Variants in CLASP1 observed in about 807,000 individuals in gnomAD.
The protein encoded by CLASP1 is cytoplasmic linker associated protein 1, also known as CLIP-associating protein 1.
CLASP1 carries 38 observed loss-of-function variants against 192.3 expected under a neutral mutation model. The observed-to-expected ratio is 0.20, with a 90% confidence interval of 0.15 to 0.26. CLASP1 has a LOEUF of 0.26. CLASP1 is among the 10% of genes least tolerant of loss of function. The pLI is 1.00. For synonymous variants in CLASP1, 691 were observed against 712.8 expected, an observed-to-expected ratio of 0.97 and a Z score of 0.49; for missense variants, 1,433 against 1,932.5, an observed-to-expected ratio of 0.74 and a Z score of 4.85.
intron 1 of CLASP1, among the ~76,000 whole-genome samples, chr2:121,643,002 C>A (rs548380825): frequency 6.6e-6 from 1 of 152,114 alleles, no homozygotes; most frequent in African/African-American, 2.4e-5. Flanking sequence ...TGCAGTAAGA[C>A]TATAAATATA....
chr2:121,459,239 GTTGAAC>G (rs921271733), intron 12 of CLASP1, among the ~76,000 whole-genome samples: 1 of 151,620 alleles, frequency 6.6e-6, no homozygotes, highest in African/African-American at 2.4e-5. Context: ...CCTTGCCCAC[GTTGAAC>G]TTGAACTCCT....
chr2:121,534,307 A>C (rs990130602), intron 2 of CLASP1, among the ~76,000 whole-genome samples: 1 of 152,168 alleles, frequency 6.6e-6, no homozygotes, highest in Non-Finnish European at 1.5e-5. Flanking sequence ...AGACTTTAGG[A>C]GGAGAGTGAG....
intron 8 of CLASP1, among the ~76,000 whole-genome samples, chr2:121,485,416 T>G (rs1308330634): frequency 1.3e-5 from 2 of 152,198 alleles, no homozygotes; most frequent in Non-Finnish European, 2.9e-5. Flanking sequence ...CTGGCCTAAC[T>G]GCAGATAACT....
In CLASP1 at chr2:121,633,007, C is replaced by CATATATATATATAT. The variant is rs71398038; in HGVS notation, c.-286+16351_-286+16364dup. Among the ~76,000 whole-genome samples the CATATATATATATAT allele has an allele frequency of 1.5e-3, 179 of 115,540 alleles. 6 individuals are homozygous for CATATATATATATAT. The highest frequency in any genetic ancestry group is 6.2e-3 in the African/African-American group (165 of 26,502). 75.8% of individuals were successfully genotyped at this position (115,540 alleles called of 152,430 possible). A position where few individuals can be genotyped will look rare whatever the true frequency, so the allele number is the denominator to read the frequency against. On this transcript the variant is annotated intron_variant, in intron 1 of 39. Transcript: ENST00000263710. ...GTGTGTATATATATGTATGTGTGTG[C>CATATATATATATAT]ATATATATATATATATATATAGGCT... is the stretch of plus-strand genomic sequence containing the variant.
chr2:121,628,710 A>G (rs944537982), intron 1 of CLASP1, among the ~76,000 whole-genome samples: 55 of 152,044 alleles, frequency 3.6e-4, no homozygotes, highest in African/African-American at 1.3e-3. Context: ...GAATATAATC[A>G]AATAAACACT....
chr2:121,479,016 CCACACACACACACACCCCACA>C (rs2092330244), intron 8 of CLASP1, among the ~76,000 whole-genome samples: 1 of 63,894 alleles, frequency 1.6e-5, no homozygotes, highest in Non-Finnish European at 2.8e-5. Flanking sequence ...CACACACACA[CCACACACACACACACCCCACA>C]CACACACACA....
At position 121,343,330 on chromosome 2, in the gene CLASP1, G is replaced by A. The variant is rs187291495; in HGVS notation, c.4531-2383C>T. On this transcript the variant is annotated intron_variant, in intron 39 of 39. Coordinates refer to ENST00000263710, the Ensembl canonical transcript of CLASP1. Reference sequence around the variant, plus strand: ...GGTGCAATCTCTGTGGAAAACAGCAGGGAGGTTCCCTGAAACATTAAGGAC... The same window carrying A: ...GGTGCAATCTCTGTGGAAAACAGCAAGGAGGTTCCCTGAAACATTAAGGAC... Among the ~76,000 whole-genome samples the A allele has an allele frequency of 1.8e-3, 281 of 152,316 alleles. 1 individual carries two copies. The highest frequency in any genetic ancestry group is 6.4e-3 in the African/African-American group (268 of 41,554).
chr2:121,584,734 T>C (rs2061541566), intron 2 of CLASP1, among the ~76,000 whole-genome samples: 1 of 152,132 alleles, frequency 6.6e-6, no homozygotes, highest in African/African-American at 2.4e-5. Flanking sequence ...CCCAGTAGCC[T>C]TCACCCATTA....
At chr2:121,461,215 A>T in intron 10 of CLASP1, 22 bp from the exon 11 acceptor site, 1 of 1,330,208 alleles carries the variant, frequency 7.5e-7, no homozygotes, top group Non-Finnish European at 1.1e-6. Flanking sequence ...ATTAATTTAC[A>T]ATCAATATAA....
chr2:121,450,606 T>C (rs913345234), intron 16 of CLASP1, among the ~76,000 whole-genome samples: 2 of 152,200 alleles, frequency 1.3e-5, no homozygotes, highest in African/African-American at 4.8e-5. Context: ...TGGATTACAA[T>C]ATGGCTTAAT....
intron 2 of CLASP1, among the ~76,000 whole-genome samples, chr2:121,589,630 CAA>C (rs1280970890): frequency 2.0e-4 from 13 of 64,290 alleles, no homozygotes; most frequent in East Asian, 4.8e-4. Flanking sequence ...AACTCTGTCT[CAA>C]AAAAAAAAAA....
intron 8 of CLASP1, among the ~76,000 whole-genome samples, chr2:121,500,919 G>T (rs1459151289): frequency 6.6e-6 from 1 of 152,056 alleles, no homozygotes; most frequent in Non-Finnish European, 1.5e-5. Context: ...GTGTGTGCAC[G>T]TGCACACACA....
At chr2:121,551,788 G>C (rs2058068794) in intron 2 of CLASP1, among the ~76,000 whole-genome samples, 2 of 152,108 alleles carry the variant, frequency 1.3e-5, no homozygotes, top group Non-Finnish European at 2.9e-5. Context: ...GCAATTTACA[G>C]ATTCAGTGCT....
chr2:121,410,934 C>A, exon 24 of CLASP1: 3 of 1,611,178 alleles, frequency 1.9e-6, no homozygotes, highest in Non-Finnish European at 2.5e-6. Context: ...TTCACAGAAC[C>A]AGGTATTCTT....
intron 2 of CLASP1, 128 bp from the exon 3 acceptor site, chr2:121,530,453 T>G: frequency 1.6e-6 from 1 of 643,138 alleles, no homozygotes; most frequent in Non-Finnish European, 2.8e-6. Flanking sequence ...GCATGCCGAC[T>G]GGAGGACCAA....
chr2:121,530,920 G>C (rs77516008), intron 2 of CLASP1: 8 of 699,578 alleles, frequency 1.1e-5, no homozygotes, highest in African/African-American at 3.5e-5. Flanking sequence ...TCCAATGAGC[G>C]CATAGTGAGG....
intron 22 of CLASP1, among the ~76,000 whole-genome samples, chr2:121,420,760 T>A (rs2079352243): frequency 6.6e-6 from 1 of 152,262 alleles, no homozygotes; most frequent in African/African-American, 2.4e-5. Flanking sequence ...TTCTTAATAG[T>A]TCTTGCCTGA....
chr2:121,346,467 T>C (rs563934207), intron 39 of CLASP1, among the ~76,000 whole-genome samples: 1 of 152,384 alleles, frequency 6.6e-6, no homozygotes, highest in South Asian at 2.1e-4. Context: ...CTTCCCCTGA[T>C]TCCAGACACC....
intron 7 of CLASP1, among the ~76,000 whole-genome samples, chr2:121,513,259 A>T (rs2094191207): frequency 6.6e-6 from 1 of 152,068 alleles, no homozygotes; most frequent in Non-Finnish European, 1.5e-5. Context: ...TTCTCCAAGC[A>T]CTCGTGTATG....
Sources: allele counts gnomAD v4.1 joint callset (sites outside exome capture counted in the v4.1 genomes callset), GRCh38; gene constraint gnomAD v4.1.1; transcripts MANE v1.5; gene names NCBI Gene and HGNC (gene_info 2026-07-23, HGNC 2026-07-21).